Variants in LRRC49 observed in about 807,000 individuals in gnomAD.
LRRC49 encodes the protein leucine rich repeat containing 49.
A neutral mutation model predicts 83.3 loss-of-function variants in LRRC49; 50 were observed. The observed-to-expected ratio is 0.60, with a 90% CI of 0.48 to 0.76. The LOEUF (loss-of-function observed/expected upper bound fraction) is 0.76, where lower values mean the gene tolerates loss of function less well. Ranked by LOEUF, LRRC49 falls within the 30% of genes least tolerant of loss-of-function variation. The pLI is 0.00. For synonymous variants in LRRC49, 286 were observed against 283.3 expected (o/e 1.01, Z -0.10); for missense variants, 704 against 809.1 (o/e 0.87, Z 1.58).
intron 4 of LRRC49, chr15:70,902,710 C>G (rs1051328158): frequency 4.6e-5 from 7 of 152,272 alleles, no homozygotes; most frequent in African/African-American, 1.7e-4. Context: ...TAGGCTCTGG[C>G]TGTTTTGGGA....
chr15:70,871,500 G>A (rs2033035949), intron 1 of LRRC49, among the ~76,000 whole-genome samples: 1 of 152,194 alleles, frequency 6.6e-6, no homozygotes, highest in Non-Finnish European at 1.5e-5. Context: ...GCCGGGCAGA[G>A]GGGCTCCTCA....
intron 11 of LRRC49, 26 bp downstream of exon 11, chr15:70,984,283 A>G (rs1278491704): frequency 6.5e-7 from 1 of 1,542,748 alleles, no homozygotes; most frequent in Admixed American, 2.0e-5. Context: ...TTTTCAAGAT[A>G]CAAGCATCTT....
At chr15:70,893,104 A>G (rs1193013695) in intron 1 of LRRC49, 162 bp downstream of exon 1, 6 of 749,434 alleles carry the variant, frequency 8.0e-6, no homozygotes, top group African/African-American at 1.7e-5. Flanking sequence ...CCAAGGCACA[A>G]TTTAATATTG....
At chr15:70,877,982 A>G (rs2033186843) in intron 2 of LRRC49, among the ~76,000 whole-genome samples, 1 of 152,062 alleles carries the variant, frequency 6.6e-6, no homozygotes, top group African/African-American at 2.4e-5. Flanking sequence ...ATGAAAACAA[A>G]ATTAGCCGGG....
intron 8 of LRRC49, among the ~76,000 whole-genome samples, chr15:70,940,623 A>G (rs1323404738): frequency 6.6e-6 from 1 of 152,204 alleles, no homozygotes; most frequent in Non-Finnish European, 1.5e-5. Context: ...TGTGCCTTCC[A>G]GGATTGCAAG....
intron 14 of LRRC49, among the ~76,000 whole-genome samples, chr15:71,022,127 C>T (rs2039013668): frequency 6.6e-6 from 1 of 152,192 alleles, no homozygotes; most frequent in South Asian, 2.1e-4. Context: ...AATCCCAGCA[C>T]TTTGGGAGGC....
At chr15:70,942,760 C>T (rs1386933817) in intron 8 of LRRC49, among the ~76,000 whole-genome samples, 1 of 152,114 alleles carries the variant, frequency 6.6e-6, no homozygotes, top group African/African-American at 2.4e-5. Context: ...CAATCAAATA[C>T]ATTTAAGAAA....
intron 5 of LRRC49, among the ~76,000 whole-genome samples, chr15:70,909,424 G>C (rs1051755982): frequency 3.3e-5 from 5 of 152,046 alleles, no homozygotes; most frequent in Admixed American, 6.6e-5. Context: ...GGAATAAAAG[G>C]CTTCTCTAAT....
intron 1 of LRRC49, among the ~76,000 whole-genome samples, chr15:70,855,061 C>T (rs1381819248): frequency 6.6e-6 from 1 of 152,166 alleles, no homozygotes. Context: ...CGGCCGGGCG[C>T]AGTGGCTCAA....
intron 11 of LRRC49, among the ~76,000 whole-genome samples, chr15:71,004,863 C>G (rs1416587001): frequency 1.3e-5 from 2 of 151,916 alleles, no homozygotes; most frequent in African/African-American, 4.8e-5. Flanking sequence ...CAGGGACACA[C>G]TGAAGGGAAA....
intron 6 of LRRC49, among the ~76,000 whole-genome samples, chr15:70,912,825 C>T (rs532760419): frequency 6.6e-5 from 10 of 152,020 alleles, no homozygotes; most frequent in East Asian, 1.9e-4. Flanking sequence ...TACAGGTGCC[C>T]GCCACCATAC....
intron 1 of LRRC49, chr15:70,854,144 G>A (rs1364998709): frequency 7.6e-6 from 9 of 1,184,490 alleles, no homozygotes; most frequent in African/African-American, 4.8e-5. Context: ...CCAGCCAGCC[G>A]GTCGGCAGCG....
At chr15:70,855,453 T>C (rs1017469826) in intron 1 of LRRC49, among the ~76,000 whole-genome samples, 1 of 152,124 alleles carries the variant, frequency 6.6e-6, no homozygotes, top group African/African-American at 2.4e-5. Context: ...TAATTTATCA[T>C]ATTAATTTGC....
At chr15:70,892,748 C>A (rs1252551291), upstream of LRRC49, 1 of 1,544,214 alleles carries the variant, frequency 6.5e-7, no homozygotes, top group Non-Finnish European at 8.7e-7. Flanking sequence ...TCTATCGATT[C>A]GGGAGAGGTC....
rs1160807135 is a variant in LRRC49 at position 70,893,356 on chromosome 15, G to A, written c.49-228G>A. ...GAAAGCCTGAGGTACTAACTAGAGG[G>A]TTAAATTGCTGCCGACATTTTGGAA... On this transcript the variant is annotated intron_variant, in intron 1 of 15. Coordinates refer to ENST00000260382, the MANE Select transcript of LRRC49 (RefSeq NM_017691.5). 3 of 582,734 alleles carry A rather than the reference G, an allele frequency of 5.1e-6. No individual in the cohort carries two copies. In the Admixed American group the frequency reaches 9.8e-5, roughly 19 times the overall value. The allele number at this position is 582,734 out of a possible 1,614,324, so 36.1% of individuals were successfully genotyped here. A position where few individuals can be genotyped will look rare whatever the true frequency, so the allele number is the denominator to read the frequency against.
intron 14 of LRRC49, among the ~76,000 whole-genome samples, chr15:71,023,591 C>T (rs575586187): frequency 6.6e-6 from 1 of 152,258 alleles, no homozygotes; most frequent in African/African-American, 2.4e-5. Flanking sequence ...GATGGCCCAC[C>T]TGAGAGCCAC....
At chr15:71,046,762 A>G (rs1267615114) in intron 15 of LRRC49, among the ~76,000 whole-genome samples, 1 of 152,056 alleles carries the variant, frequency 6.6e-6, no homozygotes, top group African/African-American at 2.4e-5. Context: ...ACTTAGCCAA[A>G]AATTCTTTGC....
intron 2 of LRRC49, among the ~76,000 whole-genome samples, chr15:70,884,109 G>GA (rs1449070155): frequency 6.6e-6 from 1 of 152,142 alleles, no homozygotes; most frequent in East Asian, 1.9e-4. Context: ...CCTGGGAGGA[G>GA]AGAAAGTAAG....
chr15:71,040,539 G>A (rs183749331), intron 15 of LRRC49, among the ~76,000 whole-genome samples: 95 of 152,258 alleles, frequency 6.2e-4, no homozygotes, highest in South Asian at 2.1e-3. Flanking sequence ...GATTCAAGCG[G>A]CCGGGCGCGG....
Sources: allele counts gnomAD v4.1 joint callset (sites outside exome capture counted in the v4.1 genomes callset), GRCh38; gene constraint gnomAD v4.1.1; transcripts MANE v1.5; gene names NCBI Gene and HGNC (gene_info 2026-07-23, HGNC 2026-07-21).